F13A1: variants seen among roughly 807,000 people sequenced by gnomAD.
F13A1 encodes coagulation factor XIII A chain, also known as FSF, A subunit.
F13A1 carries 47 observed loss-of-function variants against 80.1 expected under a neutral mutation model. The ratio of observed to expected loss-of-function variants is 0.59; its 90% CI spans 0.46 to 0.75. The LOEUF is 0.75. F13A1 is among the 30% of genes least tolerant of loss of function. The pLI is 0.00. For synonymous variants in F13A1, 349 were observed against 344.9 expected (o/e 1.01, Z -0.13); for missense variants, 817 against 930.4 (o/e 0.88, Z 1.59).
At chr6:6,263,268 G>A (rs541697953) in intron 4 of F13A1, among the ~76,000 whole-genome samples, 1 of 152,214 alleles carries the variant, frequency 6.6e-6, no homozygotes, top group African/African-American at 2.4e-5. Flanking sequence ...CCATCTCCCT[G>A]GCTTCTGTCT....
chr6:6,209,246 T>C (rs1376355843), intron 8 of F13A1, among the ~76,000 whole-genome samples: 6 of 151,748 alleles, frequency 4.0e-5, no homozygotes, highest in African/African-American at 1.2e-4. Flanking sequence ...TTCAACGTCA[T>C]TGGTCATTAG....
intron 2 of F13A1, among the ~76,000 whole-genome samples, chr6:6,309,011 C>T (rs566154293): frequency 5.3e-5 from 8 of 152,190 alleles, no homozygotes; most frequent in Middle Eastern, 3.4e-3. Context: ...CTGTTTAGTT[C>T]GATATTAAGA....
intron 3 of F13A1, among the ~76,000 whole-genome samples, chr6:6,286,583 A>T (rs1758142865): frequency 6.6e-6 from 1 of 152,134 alleles, no homozygotes. Context: ...GCTGCTGTAG[A>T]TCCATGTGGA....
chr6:6,300,391 G>A (rs1561684045), intron 3 of F13A1, among the ~76,000 whole-genome samples: 1 of 151,300 alleles, frequency 6.6e-6, no homozygotes, highest in Non-Finnish European at 1.5e-5. Flanking sequence ...AGCAATCAGC[G>A]AGACTCCGTG....
intron 10 of F13A1, among the ~76,000 whole-genome samples, chr6:6,185,128 T>C (rs1196755822): frequency 7.9e-6 from 1 of 127,234 alleles, no homozygotes; most frequent in African/African-American, 2.9e-5. Flanking sequence ...TGAATCTCTC[T>C]CTTTTTTTTT....
chr6:6,300,571 G>A (rs540420294), intron 3 of F13A1, among the ~76,000 whole-genome samples: 1 of 152,056 alleles, frequency 6.6e-6, no homozygotes, highest in African/African-American at 2.4e-5. Context: ...TGCACTTCCT[G>A]AGTGAGGCAA....
intron 3 of F13A1, among the ~76,000 whole-genome samples, chr6:6,301,246 C>A (rs532480626): frequency 6.6e-6 from 1 of 152,160 alleles, no homozygotes; most frequent in South Asian, 2.1e-4. Flanking sequence ...TTGAGGCTCT[C>A]ATGTAACTTC....
At chr6:6,300,537 C>T (rs971055780) in intron 3 of F13A1, among the ~76,000 whole-genome samples, 6 of 152,128 alleles carry the variant, frequency 3.9e-5, no homozygotes, top group South Asian at 2.1e-4. Context: ...TTCTTTGACT[C>T]GGAAAGGGAA....
In F13A1 at chr6:6,296,079, G is replaced by A. The variant is rs1424035372; in HGVS notation, c.319+9272C>T. ...GTAGATATGTGGCATTATTTCTGAG[G>A]GCTCTGTTCTGTTCCATTGATCTAT... On this transcript the variant is annotated intron_variant, in intron 3 of 14. Coordinates refer to ENST00000264870, the MANE Select transcript of F13A1 (RefSeq NM_000129.4). Among the ~76,000 whole-genome samples, 57 of 147,790 alleles carry A rather than the reference G, an allele frequency of 3.9e-4. 1 individual carries two copies. The highest frequency in any genetic ancestry group is 1.2e-3 in the African/African-American group (47 of 38,444).
intron 10 of F13A1, among the ~76,000 whole-genome samples, chr6:6,188,400 C>T (rs1294554906): frequency 1.2e-4 from 17 of 140,032 alleles, no homozygotes; most frequent in Non-Finnish European, 2.0e-4. Flanking sequence ...TTGAATGTGT[C>T]CCAGAGATTC....
At chr6:6,306,412 C>T (rs928155770) in intron 2 of F13A1, among the ~76,000 whole-genome samples, 5 of 152,192 alleles carry the variant, frequency 3.3e-5, no homozygotes, top group Admixed American at 2.0e-4. Flanking sequence ...ATTTCATAGC[C>T]TAACATGTTC....
chr6:6,251,376 C>CTAATTTGT (rs1234676641), intron 4 of F13A1, among the ~76,000 whole-genome samples: 2,475 of 152,184 alleles, frequency 0.016, 57 homozygotes, highest in East Asian at 0.11. Flanking sequence ...GTGAGAAGGC[C>CTAATTTGT]CACGTGTCAT....
In F13A1 at chr6:6,305,472, G is replaced by GTGGT; in HGVS notation, c.194_197dup (p.His66GlnfsTer4). On this transcript the variant is annotated frameshift_variant, in exon 3 of 15. Coordinates refer to ENST00000264870, the MANE Select transcript of F13A1 (RefSeq NM_000129.4). LOFTEE classifies it high-confidence loss of function. ...GCTTGTTGTTTTCATACTTGTCAGT[G>GTGGT]TGGTGGTCCACCTTGTTAGTGTCCC... 1 of 1,614,234 alleles carries GTGGT rather than the reference G, an allele frequency of 6.2e-7. No homozygotes were observed. Among genetic ancestry groups the GTGGT allele is most frequent in the Non-Finnish European group, 8.5e-7 (1 of 1,180,040 alleles).
At chr6:6,208,040 G>C (rs1761525325) in intron 8 of F13A1, among the ~76,000 whole-genome samples, 1 of 152,142 alleles carries the variant, frequency 6.6e-6, no homozygotes, top group African/African-American at 2.4e-5. Context: ...CCCATACACA[G>C]GAAGCAGCCA....
At chr6:6,266,836 G>A in intron 3 of F13A1, 27 bp from the exon 4 acceptor site, 2 of 1,613,992 alleles carry the variant, frequency 1.2e-6, no homozygotes, top group Non-Finnish European at 1.7e-6. Flanking sequence ...GAAATACTCT[G>A]TTAGGTTGAT....
At chr6:6,210,752 G>A (rs1761592965) in intron 8 of F13A1, among the ~76,000 whole-genome samples, 1 of 151,626 alleles carries the variant, frequency 6.6e-6, no homozygotes, top group South Asian at 2.1e-4. Flanking sequence ...TTGAGACCAA[G>A]TCTCACTCTG....
chr6:6,195,194 A>C (rs947498911), intron 10 of F13A1, among the ~76,000 whole-genome samples: 1 of 152,236 alleles, frequency 6.6e-6, no homozygotes, highest in African/African-American at 2.4e-5. Context: ...AGTTCTTCTG[A>C]AATGGCAGAG....
chr6:6,270,981 T>C lies in F13A1; in HGVS notation c.320-4172A>G, dbSNP rs573285522. On this transcript the variant is annotated intron_variant, in intron 3 of 14. Transcript: ENST00000264870. ...ATTTGCATTGGGAAGACTTCCAAAG[T>C]AATGTCAGACACCAAAGGGTGAAGG... Among the ~76,000 whole-genome samples the C allele has an allele frequency of 5.9e-5, 9 of 152,272 alleles. No individual in the cohort carries two copies. In the South Asian group the frequency reaches 1.9e-3, roughly 32 times the overall value.
At chr6:6,217,430 A>C (rs559244106) in intron 8 of F13A1, among the ~76,000 whole-genome samples, 11 of 150,966 alleles carry the variant, frequency 7.3e-5, no homozygotes, top group Admixed American at 1.3e-4. Flanking sequence ...TCACAAGAAC[A>C]AAAAACCAAA....
Sources: allele counts gnomAD v4.1 joint callset (sites outside exome capture counted in the v4.1 genomes callset), GRCh38; gene constraint gnomAD v4.1.1; transcripts MANE v1.5; gene names NCBI Gene and HGNC (gene_info 2026-07-23, HGNC 2026-07-21).